The following ABHD6 variants were observed in gnomAD, a reference collection of about 807,000 sequenced individuals.
ABHD6 encodes the protein monoacylglycerol lipase ABHD6.
ABHD6 carries 33 observed loss-of-function variants against 38.8 expected under a neutral mutation model. The ratio of observed to expected loss-of-function variants is 0.85; its 90% CI spans 0.64 to 1.14. The LOEUF (loss-of-function observed/expected upper bound fraction) is 1.14, where lower values mean the gene tolerates loss of function less well. Ranked by LOEUF, ABHD6 falls within the 50% of genes most tolerant of loss-of-function variation. The probability of loss-of-function intolerance (pLI) is 0.00; values close to 1 mark genes in which losing one functional copy is unlikely to be tolerated. For missense variants in ABHD6, 380 were observed against 422.6 expected, an observed-to-expected ratio of 0.90 and a Z score of 0.88; for synonymous variants, 147 against 161.6, an observed-to-expected ratio of 0.91 and a Z score of 0.69.
At chr3:58,291,708 C>T (rs562713516) in intron 9 of ABHD6, among the ~76,000 whole-genome samples, 3 of 152,194 alleles carry the variant, frequency 2.0e-5, no homozygotes, top group Admixed American at 2.0e-4. Context: ...GTAACGCTAA[C>T]CAGCAAACAG....
At chr3:58,286,498 G>A (rs1029676425) in intron 9 of ABHD6, among the ~76,000 whole-genome samples, 5 of 151,770 alleles carry the variant, frequency 3.3e-5, no homozygotes, top group African/African-American at 1.2e-4. Flanking sequence ...TTCTGTAAAG[G>A]GCCAGATGGT....
intron 9 of ABHD6, among the ~76,000 whole-genome samples, chr3:58,291,466 C>T (rs897491244): frequency 6.6e-6 from 1 of 152,076 alleles, no homozygotes; most frequent in Non-Finnish European, 1.5e-5. Flanking sequence ...ACTATGTTGG[C>T]CAGGCTGGTC....
rs2097446339 is a variant in ABHD6 at position 58,273,286 on chromosome 3, G to A, written c.524-1372G>A. On this transcript the variant is annotated intron_variant, in intron 6 of 9. Transcript: ENST00000478253. The surrounding 1 kb of genome is among the most constrained non-coding windows in gnomAD (Gnocchi z 4.8). ...AGCTCTTTTCTAGATTTTGCTGGGTGAGGTAGCTCACACCTGTAATCCCAA... is the reference window on the plus strand; with the variant it reads ...AGCTCTTTTCTAGATTTTGCTGGGTAAGGTAGCTCACACCTGTAATCCCAA... Among the ~76,000 whole-genome samples, 1 of 152,178 alleles carries A rather than the reference G, an allele frequency of 6.6e-6. No homozygotes were observed. The highest frequency in any genetic ancestry group is 2.1e-4 in the South Asian group (1 of 4,822).
At chr3:58,246,448 T>C (rs1265488901) in intron 1 of ABHD6, among the ~76,000 whole-genome samples, 1 of 152,212 alleles carries the variant, frequency 6.6e-6, no homozygotes, top group Non-Finnish European at 1.5e-5. Flanking sequence ...TGCCTGCCTG[T>C]CCCTCCTCTG....
intron 3 of ABHD6, among the ~76,000 whole-genome samples, chr3:58,262,050 G>A (rs899477463): frequency 6.6e-6 from 1 of 152,186 alleles, no homozygotes; most frequent in African/African-American, 2.4e-5. Flanking sequence ...CAACATGGAT[G>A]AACCTTGAGA....
intron 7 of ABHD6, among the ~76,000 whole-genome samples, chr3:58,282,666 G>A (rs1484165460): frequency 6.6e-6 from 1 of 152,190 alleles, no homozygotes; most frequent in Non-Finnish European, 1.5e-5. Context: ...AGCCCAGGAG[G>A]CAGAGGCTGC....
intron 2 of ABHD6, among the ~76,000 whole-genome samples, chr3:58,253,120 G>A (rs1385485509): frequency 2.0e-5 from 3 of 151,786 alleles, no homozygotes; most frequent in Non-Finnish European, 4.4e-5. Context: ...TGCGACCTTC[G>A]CTGAAACTGA....
At chr3:58,250,473 C>T (rs1336376700) in intron 2 of ABHD6, among the ~76,000 whole-genome samples, 1 of 152,124 alleles carries the variant, frequency 6.6e-6, no homozygotes, top group African/African-American at 2.4e-5. Flanking sequence ...GAGACCAGCA[C>T]AGCCTGATCC....
intron 2 of ABHD6, among the ~76,000 whole-genome samples, chr3:58,252,466 G>A (rs1353011581): frequency 6.6e-6 from 1 of 151,738 alleles, no homozygotes; most frequent in Non-Finnish European, 1.5e-5. Flanking sequence ...TGCCCGTCTC[G>A]GCCTCCCAAA....
chr3:58,270,778 C>T (rs1242989111), intron 5 of ABHD6, among the ~76,000 whole-genome samples, 154 bp from the exon 6 acceptor site: 1 of 152,200 alleles, frequency 6.6e-6, no homozygotes, highest in Non-Finnish European at 1.5e-5. Context: ...TGCCACAGGG[C>T]TCATCTTATA....
At chr3:58,288,954 G>A (rs952889054) in intron 9 of ABHD6, among the ~76,000 whole-genome samples, 14 of 152,094 alleles carry the variant, frequency 9.2e-5, no homozygotes, top group African/African-American at 3.4e-4. Context: ...TAAATTTTGT[G>A]CCTTAGGCAA....
rs890233749 is a variant in ABHD6 at position 58,293,938 on chromosome 3, G to A, written c.*173G>A. On this transcript the variant is annotated 3_prime_UTR_variant, in exon 10 of 10. Coordinates refer to ENST00000478253, the MANE Select transcript of ABHD6 (RefSeq NM_001320126.2). The surrounding 1 kb of genome is among the most constrained non-coding windows in gnomAD (Gnocchi z 4.4). ...GGTTCCCCAGAGCTTTGGGGACCAC[G>A]CGAAAACCTCCAAGATATTTTTCAC... 1 of 596,656 alleles carries A rather than the reference G, an allele frequency of 1.7e-6. No homozygotes were observed. The highest frequency in any genetic ancestry group is 3.3e-5 in the South Asian group (1 of 30,058). 37.0% of individuals were successfully genotyped at this position (596,656 alleles called of 1,614,324 possible).
chr3:58,291,260 C>T (rs553895077), intron 9 of ABHD6, among the ~76,000 whole-genome samples: 1 of 151,202 alleles, frequency 6.6e-6, no homozygotes, highest in Non-Finnish European at 1.5e-5. Flanking sequence ...CACCTGCAAT[C>T]GCAGGCACTC....
chr3:58,289,641 A>T (rs1355649538), intron 9 of ABHD6, among the ~76,000 whole-genome samples: 3 of 152,226 alleles, frequency 2.0e-5, no homozygotes, highest in African/African-American at 7.2e-5. Flanking sequence ...ACCTCTTTCT[A>T]CACAGACACG....
Position 58,285,263 on chromosome 3 carries a change from G to A in ABHD6, c.737-90G>A. 1 of 1,519,902 alleles carries A rather than the reference G, an allele frequency of 6.6e-7. No individual in the cohort carries two copies. Among genetic ancestry groups the A allele is most frequent in the Non-Finnish European group, 9.1e-7 (1 of 1,095,068 alleles). 94.2% of individuals were successfully genotyped at this position (1,519,902 alleles called of 1,614,324 possible). On this transcript the variant is annotated intron_variant, in intron 8 of 9. Coordinates refer to ENST00000478253, the MANE Select transcript of ABHD6 (RefSeq NM_001320126.2). This position sits in a 1 kb window ranked among gnomAD's most constrained non-coding sequence, Gnocchi z 4.9. ...TGGGCCCCTGAAGAGAGGAAGTGGT[G>A]GCCTGGATCTGGTGACTATCCCTTG...
intron 3 of ABHD6, among the ~76,000 whole-genome samples, chr3:58,264,725 C>T (rs1412744731): frequency 1.3e-5 from 2 of 151,942 alleles, no homozygotes; most frequent in African/African-American, 2.4e-5. Context: ...AATTTAGAAG[C>T]TCATAAAGGG....
chr3:58,277,971 T>C (rs778050731), intron 7 of ABHD6, among the ~76,000 whole-genome samples: 4 of 152,214 alleles, frequency 2.6e-5, no homozygotes, highest in African/African-American at 4.8e-5. Flanking sequence ...GACTTGATCG[T>C]GGTGGATAAA....
chr3:58,248,890 A>G (rs1324238514), intron 1 of ABHD6, among the ~76,000 whole-genome samples: 2 of 152,216 alleles, frequency 1.3e-5, no homozygotes, highest in Admixed American at 6.5e-5. Flanking sequence ...TTGCCAGTAC[A>G]ATAAAGGAAG....
intron 9 of ABHD6, among the ~76,000 whole-genome samples, chr3:58,288,317 G>A (rs1165550711): frequency 1.3e-5 from 2 of 152,164 alleles, no homozygotes; most frequent in African/African-American, 4.8e-5. Flanking sequence ...CAGCTGCAGG[G>A]GGAGCCATGT....
Sources: allele counts gnomAD v4.1 joint callset (sites outside exome capture counted in the v4.1 genomes callset), GRCh38; gene constraint gnomAD v4.1.1; non-coding constraint Gnocchi (gnomAD v3.1); transcripts MANE v1.5; gene names NCBI Gene and HGNC (gene_info 2026-07-23, HGNC 2026-07-21).